PLA2G6: variants seen among roughly 807,000 people sequenced by gnomAD.
The protein encoded by PLA2G6 is 85/88 kDa calcium-independent phospholipase A2.
A neutral mutation model predicts 83.8 loss-of-function variants in PLA2G6; 62 were observed. The observed-to-expected ratio is 0.74, with a 90% confidence interval of 0.60 to 0.91. The LOEUF (loss-of-function observed/expected upper bound fraction) is 0.91, where lower values mean the gene tolerates loss of function less well. Among genes scored for constraint, PLA2G6 ranks in the 40% least tolerant of loss-of-function variants. PLA2G6 has a pLI of 0.00. For missense variants in PLA2G6, 944 were observed against 1,102.0 expected (o/e 0.86, Z 2.03); for synonymous variants, 417 against 449.8 (o/e 0.93, Z 0.92).
intron 5 of PLA2G6, chr22:38,135,553 G>C (rs2088498631): frequency 6.1e-6 from 1 of 164,442 alleles, no homozygotes; most frequent in Non-Finnish European, 1.3e-5. Context: ...CAGTATGACA[G>C]AGTGGGAAAG....
chr22:38,139,415 T>TTTTTTTTATTTATTTATTTATTTA (rs1556018150), intron 5 of PLA2G6: 12 of 147,414 alleles, frequency 8.1e-5, no homozygotes, highest in Non-Finnish European at 1.0e-4. Context: ...ATAAATTTAT[T>TTTTTTTTATTTATTTATTTATTTA]TTTATTTATT....
At chr22:38,116,851 C>CAAAAAAAAAAAAAAAAAAAAAA (rs57712042) in intron 12 of PLA2G6, among the ~76,000 whole-genome samples, 6 of 37,644 alleles carry the variant, frequency 1.6e-4, no homozygotes, top group Admixed American at 4.3e-4. Context: ...AACTCCGTCT[C>CAAAAAAAAAAAAAAAAAAAAAA]AAAAAAAAAA....
intron 1 of PLA2G6, among the ~76,000 whole-genome samples, chr22:38,177,613 C>T (rs2090688200): frequency 6.6e-6 from 1 of 151,998 alleles, no homozygotes; most frequent in African/African-American, 2.4e-5. Context: ...CAGGCGCGCA[C>T]CACCACACTC....
chr22:38,171,234 C>T (rs1300206676), intron 1 of PLA2G6, among the ~76,000 whole-genome samples: 1 of 151,938 alleles, frequency 6.6e-6, no homozygotes, highest in Non-Finnish European at 1.5e-5. Context: ...CATTACAAGG[C>T]TCAGTGCCAT....
intron 2 of PLA2G6, among the ~76,000 whole-genome samples, chr22:38,165,139 GTCCTCCACCC>G (rs1475990168): frequency 2.0e-5 from 3 of 152,138 alleles, no homozygotes; most frequent in African/African-American, 7.2e-5. Context: ...CAATGCAACA[GTCCTCCACCC>G]TCCACCCAGG....
At chr22:38,138,254 G>A (rs1230675447) in intron 5 of PLA2G6, 3 of 152,858 alleles carry the variant, frequency 2.0e-5, no homozygotes, top group Non-Finnish European at 4.4e-5. Flanking sequence ...ACCTGCAAAT[G>A]GGGAACCTGA....
chr22:38,164,382 A>G (rs182538422), intron 2 of PLA2G6, among the ~76,000 whole-genome samples: 24 of 152,350 alleles, frequency 1.6e-4, no homozygotes, highest in African/African-American at 5.3e-4. Flanking sequence ...AAATTCTGCA[A>G]GCCTCTGTTT....
chr22:38,148,187 G>T (rs996438919), intron 2 of PLA2G6: 2 of 330,462 alleles, frequency 6.1e-6, no homozygotes, highest in South Asian at 2.4e-5. Context: ...GGGAACCAAG[G>T]CCTGATTAAA....
At chr22:38,114,148 G>T (rs1300833585) in intron 14 of PLA2G6, among the ~76,000 whole-genome samples, 1 of 152,080 alleles carries the variant, frequency 6.6e-6, no homozygotes, top group Non-Finnish European at 1.5e-5. Context: ...GGGAAGTAGG[G>T]GCTAAGGCTT....
At chr22:38,177,386 C>T (rs2145967867) in intron 1 of PLA2G6, among the ~76,000 whole-genome samples, 1 of 152,226 alleles carries the variant, frequency 6.6e-6, no homozygotes, top group African/African-American at 2.4e-5. Flanking sequence ...CCCTCACACC[C>T]CATCAGCACC....
intron 1 of PLA2G6, among the ~76,000 whole-genome samples, chr22:38,170,908 C>T (rs147472637): frequency 4.9e-4 from 74 of 152,304 alleles, no homozygotes; most frequent in East Asian, 1.9e-3. Context: ...CGGTGGTTCA[C>T]GCCTGTAATC....
At position 38,155,439 on chromosome 22, in the gene PLA2G6, G is replaced by C. The variant is rs149646744; in HGVS notation, c.210-9786C>G. Among the ~76,000 whole-genome samples, 7 of 152,228 alleles carry C rather than the reference G, an allele frequency of 4.6e-5. No homozygotes were observed. In the East Asian group the frequency reaches 7.7e-4, roughly 17 times the overall value. ...GTCATATGTAGACCACTCATATCTT[G>C]AGTAGAAAGACTAAAAGAGGAACCA... On this transcript the variant is annotated intron_variant, in intron 2 of 16. Coordinates refer to ENST00000332509, the MANE Select transcript of PLA2G6 (RefSeq NM_003560.4).
At chr22:38,115,455 T>G in intron 14 of PLA2G6, 72 bp downstream of exon 14, 1 of 1,460,180 alleles carries the variant, frequency 6.8e-7, no homozygotes, top group South Asian at 1.2e-5. Context: ...GGTCGGTCCC[T>G]AGCATGGTTT....
intron 1 of PLA2G6, among the ~76,000 whole-genome samples, chr22:38,181,459 C>A (rs2090844005): frequency 6.6e-6 from 1 of 151,882 alleles, no homozygotes; most frequent in Non-Finnish European, 1.5e-5. Context: ...TGGATTGACT[C>A]GGGAAGTTAG....
intron 15 of PLA2G6, 134 bp from the exon 16 acceptor site, chr22:38,112,711 G>C (rs1454600704): frequency 1.3e-6 from 1 of 749,982 alleles, no homozygotes; most frequent in African/African-American, 1.7e-5. Flanking sequence ...GAGCCACACA[G>C]CAGCAGAGCG....
In PLA2G6 at chr22:38,120,827, C is replaced by T. The variant is rs776015045; in HGVS notation, c.1674G>A (p.Gly558=). Residue 558 remains glycine, a synonymous_variant, in exon 12 of 17, where the codon GGG becomes GGA. Coordinates refer to ENST00000332509, the MANE Select transcript of PLA2G6 (RefSeq NM_003560.4). ...VFRGSRPYES[G]PLEEFLKREF... is the part of the protein sequence containing the mutation. ...CCCGCTTCAGGAACTCCTCCAGGGG[C>T]CCCGACTCGTAGGGCCTGGAGCCCC... The T allele has an allele frequency of 1.2e-6, 2 of 1,613,858 alleles. No homozygotes were observed. The highest frequency in any genetic ancestry group is 1.1e-5 in the South Asian group (1 of 91,082).
chr22:38,148,722 C>T, intron 2 of PLA2G6: 1 of 564,174 alleles, frequency 1.8e-6, no homozygotes, highest in Admixed American at 3.4e-5. Context: ...CACAGACACG[C>T]TCTCACAGAG....
intron 2 of PLA2G6, among the ~76,000 whole-genome samples, chr22:38,158,929 T>G (rs1169002152): frequency 1.3e-5 from 2 of 152,194 alleles, no homozygotes; most frequent in Admixed American, 1.3e-4. Flanking sequence ...CCAGGCACAC[T>G]GGCTCACACT....
intron 1 of PLA2G6, among the ~76,000 whole-genome samples, chr22:38,172,560 G>A (rs548031571): frequency 6.6e-5 from 10 of 152,342 alleles, no homozygotes; most frequent in African/African-American, 1.7e-4. Context: ...TATGTAAAGC[G>A]ATTATAGTTT....
Sources: gnomAD v4.1 joint callset for allele counts (sites outside exome capture counted in the v4.1 genomes callset) on GRCh38, gnomAD v4.1.1 for gene constraint, MANE v1.5 for transcripts, NCBI Gene and HGNC (gene_info 2026-07-23, HGNC 2026-07-21) for gene names.